TSG101: variants seen among roughly 807,000 people sequenced by gnomAD.
TSG101 encodes the protein tumor susceptibility 101.
A neutral mutation model predicts 48.5 loss-of-function variants in TSG101; 19 were observed. The observed-to-expected ratio is 0.39, with a 90% CI of 0.27 to 0.58. The LOEUF (loss-of-function observed/expected upper bound fraction) is 0.58. Among genes scored for constraint, TSG101 ranks in the 20% least tolerant of loss-of-function variants. The pLI, the probability that TSG101 is intolerant of heterozygous loss-of-function variation, is 0.55. For synonymous variants in TSG101, 174 were observed against 169.4 expected, an observed-to-expected ratio of 1.03 and a Z score of -0.21; for missense variants, 365 against 484.4, an observed-to-expected ratio of 0.75 and a Z score of 2.31.
intron 7 of TSG101, among the ~76,000 whole-genome samples, chr11:18,500,448 A>G (rs747265809): frequency 5.3e-5 from 8 of 152,194 alleles, no homozygotes; most frequent in Admixed American, 1.3e-4. Flanking sequence ...CCAACATTGT[A>G]TAAGTTCCCT....
intron 8 of TSG101, 152 bp from the exon 9 acceptor site, chr11:18,482,021 T>C (rs747701338): frequency 7.2e-5 from 80 of 1,117,412 alleles, no homozygotes; most frequent in South Asian, 5.1e-4. Context: ...TGGTCAAAGG[T>C]AGAGGAAAAG....
intron 1 of TSG101, 132 bp from the exon 2 acceptor site, chr11:18,519,735 T>A: frequency 1.6e-6 from 1 of 612,888 alleles, no homozygotes; most frequent in Non-Finnish European, 2.8e-6. Flanking sequence ...AAAAAACCCA[T>A]AATACTATTA....
intron 7 of TSG101, among the ~76,000 whole-genome samples, chr11:18,488,531 G>A (rs1849653056): frequency 6.6e-6 from 1 of 152,148 alleles, no homozygotes; most frequent in Non-Finnish European, 1.5e-5. Flanking sequence ...CTCAATACAG[G>A]GAGAAGTCAG....
At position 18,509,672 on chromosome 11, in the gene TSG101, A is replaced by G; in HGVS notation, c.358-7T>C. The G allele has an allele frequency of 6.3e-7, 1 of 1,575,180 alleles. No individual in the cohort carries two copies. The highest frequency in any genetic ancestry group is 8.6e-7 in the Non-Finnish European group (1 of 1,158,376). ...CCAACAAGTCTGACTGTGGCTACAAAATGAAAAAAAATTCAAGTCAGCTAC... is the reference window on the plus strand; with the variant it reads ...CCAACAAGTCTGACTGTGGCTACAAGATGAAAAAAAATTCAAGTCAGCTAC... On this transcript the variant is annotated splice_polypyrimidine_tract_variant and splice_region_variant and intron_variant, in intron 4 of 9. Transcript: ENST00000251968.
At chr11:18,513,460 T>C (rs975524493) in intron 4 of TSG101, among the ~76,000 whole-genome samples, 19 of 151,834 alleles carry the variant, frequency 1.3e-4, no homozygotes, top group Non-Finnish European at 2.4e-4. Context: ...CATGCCAAGG[T>C]TTTTTTAAAA....
At chr11:18,481,404 C>T (rs1156804536) in intron 9 of TSG101, 5 of 1,322,204 alleles carry the variant, frequency 3.8e-6, no homozygotes, top group Non-Finnish European at 4.8e-6. Context: ...TGCCTGTGGG[C>T]AGAGAACTGC....
intron 7 of TSG101, among the ~76,000 whole-genome samples, chr11:18,487,151 T>C (rs1307175172): frequency 1.4e-5 from 2 of 147,672 alleles, no homozygotes; most frequent in East Asian, 2.1e-4. Context: ...TTAGGAGATA[T>C]ACCTAATGTT....
chr11:18,523,266 T>G (rs1850309045), intron 1 of TSG101, among the ~76,000 whole-genome samples: 2 of 152,162 alleles, frequency 1.3e-5, no homozygotes, highest in South Asian at 4.1e-4. Context: ...CTATCAGATA[T>G]AAAACGGTGA....
At chr11:18,484,898 C>T (rs1271656921) in intron 7 of TSG101, among the ~76,000 whole-genome samples, 6 of 148,930 alleles carry the variant, frequency 4.0e-5, no homozygotes, top group Non-Finnish European at 3.0e-5. Context: ...TAAAATACTA[C>T]GTGAGGACGT....
rs1280952066 is a variant in TSG101, at chr11:18,481,701, T to C, written c.1012A>G (p.Ile338Val). 6.2e-7 allele frequency: 1 copy of C among 1,614,200 alleles called. No individual in the cohort carries two copies. Among genetic ancestry groups the C allele is most frequent in the South Asian group, 1.1e-5 (1 of 91,088 alleles). ...ILNLYAEENA[I>V]EDTIFYLGEA... ...CCCAAGTAAAAGATAGTGTCTTCAA[T>C]AGCGTTTTCTTCTGCATACAGATTC... The change falls in exon 9 of 10, where the codon ATT becomes GTT. Residue 338 changes from isoleucine to valine, a missense_variant. Coordinates refer to ENST00000251968, the MANE Select transcript of TSG101 (RefSeq NM_006292.4).
At position 18,502,555 on chromosome 11, in the gene TSG101, G is replaced by T; in HGVS notation, c.571C>A (p.Pro191Thr). 2 of 1,612,470 alleles carry T rather than the reference G, an allele frequency of 1.2e-6. No homozygotes were observed. Among genetic ancestry groups the T allele is most frequent in the East Asian group, 2.2e-5 (1 of 44,826 alleles). Reference protein sequence around the residue: ...NPSGYPGCPYPPGGPYPATTS... With the variant: ...NPSGYPGCPYTPGGPYPATTS... ...GTGGCAGGATATGGACCACCAGGTGGGTAAGGACAGCCTGGGTAACCACTA... is the reference window on the plus strand; with the variant it reads ...GTGGCAGGATATGGACCACCAGGTGTGTAAGGACAGCCTGGGTAACCACTA... The change falls in exon 7 of 10, where the codon CCA (proline) becomes ACA (threonine). Residue 191 changes from proline to threonine, a missense_variant. Transcript: ENST00000251968.
chr11:18,518,690 A>C (rs1431186437), intron 2 of TSG101, among the ~76,000 whole-genome samples: 1 of 152,180 alleles, frequency 6.6e-6, no homozygotes, highest in Non-Finnish European at 1.5e-5. Context: ...TGTGTTCCTG[A>C]AAATATAAAG....
At chr11:18,526,709 G>C in intron 1 of TSG101, 66 bp downstream of exon 1, 1 of 1,561,930 alleles carries the variant, frequency 6.4e-7, no homozygotes. Context: ...GGGCCGGGAC[G>C]GACTCGACAG....
chr11:18,526,347 G>A (rs1021731239), intron 1 of TSG101, among the ~76,000 whole-genome samples: 5 of 152,210 alleles, frequency 3.3e-5, no homozygotes, highest in Admixed American at 2.6e-4. Context: ...CACTCTCTGC[G>A]GGTCGGCAAA....
intron 6 of TSG101, among the ~76,000 whole-genome samples, chr11:18,503,887 C>A (rs1036266542): frequency 6.6e-6 from 1 of 151,960 alleles, no homozygotes; most frequent in Admixed American, 6.6e-5. Context: ...CTTTTACAAG[C>A]GCATTAAAAT....
intron 6 of TSG101, among the ~76,000 whole-genome samples, chr11:18,503,761 T>A (rs1410337283): frequency 6.6e-6 from 1 of 152,200 alleles, no homozygotes; most frequent in Non-Finnish European, 1.5e-5. Context: ...AGTCAGTGTT[T>A]CCCTTACAAC....
At chr11:18,499,896 A>G (rs755728026) in intron 7 of TSG101, among the ~76,000 whole-genome samples, 5 of 152,120 alleles carry the variant, frequency 3.3e-5, no homozygotes, top group Non-Finnish European at 7.4e-5. Flanking sequence ...TAGACAATAC[A>G]TTGTTAACTA....
At chr11:18,521,670 CTTTTTTTTT>C (rs869176661) in intron 1 of TSG101, among the ~76,000 whole-genome samples, 3 of 66,742 alleles carry the variant, frequency 4.5e-5, no homozygotes, top group East Asian at 5.5e-4. Context: ...TGGCCCCTTC[CTTTTTTTTT>C]TTTTTTTTTT....
chr11:18,505,260 C>CT (rs79752716), intron 6 of TSG101, among the ~76,000 whole-genome samples: 3,174 of 144,496 alleles, frequency 0.022, 80 homozygotes, highest in African/African-American at 0.062. Context: ...ATATGCCAAT[C>CT]TTTTTTTTTT....
Sources: gnomAD v4.1 joint callset for allele counts (sites outside exome capture counted in the v4.1 genomes callset) on GRCh38, gnomAD v4.1.1 for gene constraint, MANE v1.5 for transcripts, NCBI Gene and HGNC (gene_info 2026-07-23, HGNC 2026-07-21) for gene names.